The following MAPK9 variants were observed in gnomAD, a reference collection of about 807,000 sequenced individuals.
MAPK9 encodes the protein Jun kinase.
Under a neutral mutation model 57.1 loss-of-function variants are expected in MAPK9, and 30 were observed. The ratio of observed to expected loss-of-function variants is 0.53; its 90% CI spans 0.39 to 0.71. The LOEUF (loss-of-function observed/expected upper bound fraction) is 0.71, where lower values mean the gene tolerates loss of function less well. MAPK9 is among the 30% of genes least tolerant of loss of function. The pLI, the probability that MAPK9 is intolerant of heterozygous loss-of-function variation, is 0.00. For synonymous variants in MAPK9, 155 were observed against 177.0 expected, an observed-to-expected ratio of 0.88 and a Z score of 0.99; for missense variants, 362 against 521.0, an observed-to-expected ratio of 0.69 and a Z score of 2.97.
At chr5:180,237,430 CAT>C (rs1211909866) in intron 11 of MAPK9, 7 of 152,204 alleles carry the variant, frequency 4.6e-5, no homozygotes, top group African/African-American at 1.7e-4. Context: ...GAACACGACT[CAT>C]ATCAGAGTCT....
At chr5:180,289,185 G>T (rs1411748460) in intron 1 of MAPK9, among the ~76,000 whole-genome samples, 1 of 152,086 alleles carries the variant, frequency 6.6e-6, no homozygotes, top group East Asian at 1.9e-4. Context: ...GCTATTAACT[G>T]GTTTGTCTGG....
intron 6 of MAPK9, chr5:180,248,010 C>T (rs562920684): frequency 1.2e-3 from 1,597 of 1,323,976 alleles, no homozygotes; most frequent in Non-Finnish European, 1.5e-3. Flanking sequence ...ACCCGGTACA[C>T]GTCACTAGCT....
intron 1 of MAPK9, among the ~76,000 whole-genome samples, chr5:180,284,167 C>T (rs1762541027): frequency 1.3e-5 from 2 of 152,152 alleles, no homozygotes; most frequent in South Asian, 4.1e-4. Flanking sequence ...TCAACTGGGG[C>T]TCAGAAAACA....
intron 5 of MAPK9, chr5:180,258,334 T>A: frequency 6.6e-6 from 1 of 152,368 alleles, no homozygotes. Context: ...TGGGAAACGA[T>A]TCAGTTTTTG....
At chr5:180,283,344 G>C (rs1002454430) in intron 1 of MAPK9, among the ~76,000 whole-genome samples, 2 of 152,130 alleles carry the variant, frequency 1.3e-5, no homozygotes, top group African/African-American at 4.8e-5. Context: ...CTTCCTTGCT[G>C]CTGGCTGAGG....
At chr5:180,259,750 G>A (rs1398138007) in intron 5 of MAPK9, among the ~76,000 whole-genome samples, 3 of 152,162 alleles carry the variant, frequency 2.0e-5, no homozygotes, top group African/African-American at 7.2e-5. Context: ...CTTGCAATGT[G>A]GTGAAGTCTT....
intron 2 of MAPK9, among the ~76,000 whole-genome samples, chr5:180,278,887 CTT>C (rs931403192): frequency 1.3e-5 from 2 of 151,476 alleles, no homozygotes; most frequent in African/African-American, 4.9e-5. Flanking sequence ...CAAAAGAATG[CTT>C]TGTTGTTTAT....
intron 4 of MAPK9, among the ~76,000 whole-genome samples, chr5:180,262,544 C>T (rs376896436): frequency 6.7e-6 from 1 of 150,274 alleles, no homozygotes; most frequent in South Asian, 2.1e-4. Context: ...TCTCATGCCT[C>T]GGACTCCCAG....
At chr5:180,263,849 G>A (rs1760252131) in intron 4 of MAPK9, among the ~76,000 whole-genome samples, 1 of 151,954 alleles carries the variant, frequency 6.6e-6, no homozygotes, top group East Asian at 1.9e-4. Flanking sequence ...GGGACTACAG[G>A]CCCCCGCCAC....
chr5:180,240,733 A>T lies in MAPK9; in HGVS notation c.996+298T>A, dbSNP rs550597412. 6.6e-5 allele frequency among the ~76,000 whole-genome samples: 10 copies of T among 152,374 alleles called. No individual in the cohort carries two copies. The South Asian group carries it at 1.9e-3, about 28-fold the overall frequency. On this transcript the variant is annotated intron_variant, in intron 9 of 11. Coordinates refer to ENST00000452135, the MANE Select transcript of MAPK9 (RefSeq NM_002752.5). ...TTAAGTGGCCTAAACAAGAGGATGT[A>T]ACCAAAGCCAATGGCACAGAATAGA...
rs1439349817 is a variant in MAPK9, at chr5:180,241,029, AC to A, written c.996+1del. ...ATAAATCTTTTCAAAACAGATACTC[AC>A]GGCTTCTGCTTCGGCGGGGTCATAC... On this transcript the variant is annotated splice_donor_variant, in intron 9 of 11. Coordinates refer to ENST00000452135, the MANE Select transcript of MAPK9 (RefSeq NM_002752.5). LOFTEE classifies it high-confidence loss of function. 1.9e-6 allele frequency: 3 copies of A among 1,611,178 alleles called. No homozygotes were observed. Among genetic ancestry groups the A allele is most frequent in the Non-Finnish European group, 2.5e-6 (3 of 1,178,968 alleles).
chr5:180,288,401 T>C (rs989714561), intron 1 of MAPK9, among the ~76,000 whole-genome samples: 3 of 152,182 alleles, frequency 2.0e-5, no homozygotes, highest in Non-Finnish European at 4.4e-5. Flanking sequence ...TTCAAACTAT[T>C]AAGGAAACCT....
At chr5:180,259,694 T>C (rs1271138760) in intron 5 of MAPK9, among the ~76,000 whole-genome samples, 1 of 152,204 alleles carries the variant, frequency 6.6e-6, no homozygotes, top group Non-Finnish European at 1.5e-5. Flanking sequence ...AATCTCATAC[T>C]GGAGAGAAAC....
chr5:180,291,770 C>A (rs1401344364), intron 1 of MAPK9, 78 bp downstream of exon 1: 3 of 149,004 alleles, frequency 2.0e-5, no homozygotes, highest in Non-Finnish European at 4.5e-5. Context: ...CCCCCGGCCG[C>A]GCGGTTCCCT....
At chr5:180,273,045 A>G (rs568877689) in intron 2 of MAPK9, among the ~76,000 whole-genome samples, 1 of 152,304 alleles carries the variant, frequency 6.6e-6, no homozygotes, top group Admixed American at 6.5e-5. Context: ...CCTCACCAGC[A>G]CTTGGTATCA....
intron 1 of MAPK9, among the ~76,000 whole-genome samples, chr5:180,286,148 CTT>C (rs554112535): frequency 4.5e-5 from 5 of 111,564 alleles, no homozygotes; most frequent in Non-Finnish European, 3.5e-5. Context: ...TCTTTCTTTT[CTT>C]TTTTTTTTTT....
At chr5:180,241,588 C>T (rs1048397228) in intron 8 of MAPK9, among the ~76,000 whole-genome samples, 1 of 152,234 alleles carries the variant, frequency 6.6e-6, no homozygotes, top group Non-Finnish European at 1.5e-5. Flanking sequence ...CGTGAGCCGC[C>T]GCACCCAGCC....
intron 2 of MAPK9, among the ~76,000 whole-genome samples, chr5:180,277,356 G>A (rs989438656): frequency 6.6e-6 from 1 of 152,150 alleles, no homozygotes; most frequent in African/African-American, 2.4e-5. Context: ...TCTCTCAGCT[G>A]GTTGGAGGCT....
intron 7 of MAPK9, among the ~76,000 whole-genome samples, chr5:180,245,319 C>G (rs937910840): frequency 1.3e-5 from 2 of 152,216 alleles, no homozygotes; most frequent in African/African-American, 2.4e-5. Flanking sequence ...CTCCACCTCT[C>G]CTCTGGATGA....
Sources: gnomAD v4.1 joint callset for allele counts (sites outside exome capture counted in the v4.1 genomes callset) on GRCh38, gnomAD v4.1.1 for gene constraint, MANE v1.5 for transcripts, NCBI Gene and HGNC (gene_info 2026-07-23, HGNC 2026-07-21) for gene names.